DHX29: variants seen among roughly 807,000 people sequenced by gnomAD.
The protein encoded by DHX29 is ATP-dependent RNA helicase DHX29.
Under a neutral mutation model 167.9 loss-of-function variants are expected in DHX29, and 79 were observed. That is an observed-to-expected ratio of 0.47 (90% confidence interval 0.39 to 0.57). The LOEUF (loss-of-function observed/expected upper bound fraction) is 0.57, where lower values mean the gene tolerates loss of function less well. Ranked by LOEUF, DHX29 falls within the 20% of genes least tolerant of loss-of-function variation. The pLI is 0.00. For missense variants in DHX29, 1,347 were observed against 1,593.4 expected, an observed-to-expected ratio of 0.85 and a Z score of 2.63; for synonymous variants, 530 against 546.0, an observed-to-expected ratio of 0.97 and a Z score of 0.41.
intron 23 of DHX29, among the ~76,000 whole-genome samples, chr5:55,263,597 C>T (rs1746412635): frequency 2.0e-5 from 3 of 151,728 alleles, no homozygotes; most frequent in African/African-American, 7.3e-5. Context: ...AAAGACCAAA[C>T]AGACAGCTGC....
Position 55,290,254 on chromosome 5 carries a change from T to C in DHX29, c.871A>G (p.Lys291Glu). The change falls in exon 7 of 27, where the codon AAA becomes GAA. Residue 291 changes from lysine (K) to glutamate (E), a missense_variant. By Grantham distance (56) the Lys-to-Glu change is moderately conservative. Transcript: ENST00000251636. The stretch of plus-strand genomic sequence containing the variant: ...TTCCTTATTTTTTCCTGAGCCTCTT[T>C]TTGGCCTTGCTTGTTTTTTTCTAGT... ...FKLEKNKQGQKEAQEKIRKFQ... is the reference protein window; with the variant it reads ...FKLEKNKQGQEEAQEKIRKFQ... The C allele has an allele frequency of 6.2e-7, 1 of 1,611,574 alleles. No homozygotes were observed. The highest frequency in any genetic ancestry group is 8.5e-7 in the Non-Finnish European group (1 of 1,179,684).
chr5:55,297,131 T>C (rs1748364699), intron 3 of DHX29, among the ~76,000 whole-genome samples, 154 bp downstream of exon 3: 1 of 152,184 alleles, frequency 6.6e-6, no homozygotes, highest in Non-Finnish European at 1.5e-5. Flanking sequence ...ACCTTCTTGA[T>C]TTAAGGTGTG....
chr5:55,307,660 G>A lies in DHX29; in HGVS notation c.-87C>T. The A allele has an allele frequency of 1.3e-6, 2 of 1,520,646 alleles. No homozygotes were observed. The highest frequency in any genetic ancestry group is 1.4e-5 in the African/African-American group (1 of 71,980). The allele number at this position is 1,520,646 out of a possible 1,614,324, so 94.2% of individuals were successfully genotyped here. Reference sequence around the variant, plus strand: ...AGAGCTCTTCACATTCCCCGGCTCCGGGGCTGCCACCCTGCGCTTCGATCC... The same window carrying A: ...AGAGCTCTTCACATTCCCCGGCTCCAGGGCTGCCACCCTGCGCTTCGATCC... On this transcript the variant is annotated 5_prime_UTR_variant, in exon 1 of 27. Coordinates refer to ENST00000251636, the MANE Select transcript of DHX29 (RefSeq NM_019030.4).
At chr5:55,295,156 A>T (rs1413354665) in intron 5 of DHX29, 1 of 462,256 alleles carries the variant, frequency 2.2e-6, no homozygotes, top group East Asian at 3.5e-5. Context: ...TGAGCCCAGC[A>T]CAGACTGCAG....
rs1425027959 is a variant in DHX29, at chr5:55,289,407, T to C, written c.929A>G (p.His310Arg). ...FQREMETLED[H>R]PVFNPAMKIS... ...CTTCATGGCTGGGTTAAATACTGGA[T>C]GGTCTTCTAAAGTTTCCATTTCTAC... Residue 310 changes from histidine to arginine, a missense_variant, in exon 8 of 27, where the codon CAT (histidine) becomes CGT (arginine). This residue lies in a region of DHX29 where 405 missense variants were observed against 416.8 expected (regional missense o/e 0.97). Transcript: ENST00000251636. The C allele has an allele frequency of 2.5e-6, 4 of 1,570,986 alleles. No individual in the cohort carries two copies. The Admixed American group carries it at 8.1e-5, about 32-fold the overall frequency.
At chr5:55,281,568 C>G (rs569032874) in intron 11 of DHX29, 53 bp from the exon 12 acceptor site, 1 of 1,383,040 alleles carries the variant, frequency 7.2e-7, no homozygotes, top group African/African-American at 1.5e-5. Flanking sequence ...ATATGGGAAA[C>G]AAGCTTTAAA....
chr5:55,293,063 C>T (rs958931221), intron 6 of DHX29, among the ~76,000 whole-genome samples: 3 of 152,314 alleles, frequency 2.0e-5, no homozygotes, highest in African/African-American at 4.8e-5. Context: ...TCTTGTGTCT[C>T]TTTCCAGATG....
intron 6 of DHX29, among the ~76,000 whole-genome samples, chr5:55,292,403 C>T (rs1419134302): frequency 6.6e-6 from 1 of 152,130 alleles, no homozygotes; most frequent in African/African-American, 2.4e-5. Flanking sequence ...GTCTCTCTTC[C>T]TTTCCAATTA....
chr5:55,297,174 T>A, intron 3 of DHX29, 111 bp downstream of exon 3: 1 of 615,356 alleles, frequency 1.6e-6, no homozygotes, highest in Non-Finnish European at 2.9e-6. Flanking sequence ...GAGATGGAAA[T>A]GATCTACATA....
At chr5:55,293,535 T>A (rs1242727461) in intron 6 of DHX29, among the ~76,000 whole-genome samples, 3 of 152,362 alleles carry the variant, frequency 2.0e-5, no homozygotes, top group African/African-American at 7.2e-5. Flanking sequence ...TCTAATTTAA[T>A]CTACTTTTGT....
intron 5 of DHX29, 21 bp from the exon 6 acceptor site, chr5:55,294,166 T>C (rs754245447): frequency 1.9e-5 from 30 of 1,561,110 alleles, no homozygotes; most frequent in Non-Finnish European, 2.3e-5. Context: ...AAAACAAATA[T>C]CTGAAAAACC....
chr5:55,277,986 A>G (rs1579779118), intron 12 of DHX29, among the ~76,000 whole-genome samples: 1 of 151,596 alleles, frequency 6.6e-6, no homozygotes, highest in East Asian at 1.9e-4. Flanking sequence ...AATCTCTGCC[A>G]CTAATATAAA....
chr5:55,292,513 C>G (rs1289560118), intron 6 of DHX29, among the ~76,000 whole-genome samples: 1 of 152,114 alleles, frequency 6.6e-6, no homozygotes, highest in Non-Finnish European at 1.5e-5. Context: ...ACTCAATATT[C>G]CAAACCACCT....
rs1442823819 is a variant in DHX29, at chr5:55,261,448, G to T, written c.3880C>A (p.Pro1294Thr). 6.4e-7 allele frequency: 1 copy of T among 1,572,760 alleles called. No homozygotes were observed. The highest frequency in any genetic ancestry group is 1.1e-5 in the South Asian group (1 of 90,060). ...ATATCACCACCAAAAAGTAAAACTG[G>T]AAAAGGGGTTATTAGGGTAGTTTCT... Reference protein sequence around the residue: ...LRETTLITPFPVLLFGGDIEV... With the variant: ...LRETTLITPFTVLLFGGDIEV... The change falls in exon 25 of 27, where the codon CCA becomes ACA. Residue 1294 changes from proline to threonine, a missense_variant. Transcript: ENST00000251636.
At chr5:55,278,935 A>G (rs1747256443) in intron 12 of DHX29, among the ~76,000 whole-genome samples, 1 of 152,186 alleles carries the variant, frequency 6.6e-6, no homozygotes, top group Non-Finnish European at 1.5e-5. Context: ...CAGCTGTGTT[A>G]AGGAGTTGTG....
At chr5:55,257,305 G>A (rs1201622318) in intron 26 of DHX29, among the ~76,000 whole-genome samples, 4 of 152,182 alleles carry the variant, frequency 2.6e-5, no homozygotes, top group African/African-American at 9.7e-5. Context: ...GAATGCTGTC[G>A]CTTTCAATAG....
intron 16 of DHX29, among the ~76,000 whole-genome samples, chr5:55,274,066 G>A (rs568321387): frequency 6.9e-6 from 1 of 144,878 alleles, no homozygotes; most frequent in Non-Finnish European, 1.5e-5. Context: ...CAGCCTGGCC[G>A]ACAGAGCAAG....
Position 55,277,251 on chromosome 5 carries a change from AG to A in DHX29, c.2140del (p.Leu714TyrfsTer2). On this transcript the variant is annotated frameshift_variant, in exon 13 of 27. Coordinates refer to ENST00000251636, the MANE Select transcript of DHX29 (RefSeq NM_019030.4). LOFTEE classifies it high-confidence loss of function. The part of the protein sequence containing the change: ...VHERSVQSDF[L>X]LIILKEILQK... ...TAAAATTTCCTTCAAGATAATTAGT[AG>A]GAAGTCTGACTGGACACTTCTTTCA... 6.2e-7 allele frequency: 1 copy of A among 1,609,330 alleles called. No homozygotes were observed. Among genetic ancestry groups the A allele is most frequent in the Non-Finnish European group, 8.5e-7 (1 of 1,176,730 alleles).
At chr5:55,285,957 A>G in intron 8 of DHX29, 96 bp from the exon 9 acceptor site, 1 of 1,023,532 alleles carries the variant, frequency 9.8e-7, no homozygotes, top group Non-Finnish European at 1.4e-6. Context: ...CAGCACTTTT[A>G]GAAGATAATA....
Sources: gnomAD v4.1 joint callset for allele counts (sites outside exome capture counted in the v4.1 genomes callset) on GRCh38, gnomAD v4.1.1 for gene constraint, gnomAD v4.1.1 regional missense constraint, MANE v1.5 for transcripts, NCBI Gene and HGNC (gene_info 2026-07-23, HGNC 2026-07-21) for gene names.